The following GLIS3 variants were observed in gnomAD, a reference collection of about 807,000 sequenced individuals.
The protein encoded by GLIS3 is GLIS family zinc finger 3, also known as zinc finger protein GLIS3.
Under a neutral mutation model 78.6 loss-of-function variants are expected in GLIS3, and 53 were observed. The observed-to-expected ratio is 0.67, with a 90% CI of 0.54 to 0.85. The LOEUF (loss-of-function observed/expected upper bound fraction) is 0.85, where lower values mean the gene tolerates loss of function less well. Ranked by LOEUF, GLIS3 falls within the 40% of genes least tolerant of loss-of-function variation. The pLI, the probability that GLIS3 is intolerant of heterozygous loss-of-function variation, is 0.00. For synonymous variants in GLIS3, 684 were observed against 509.9 expected, an observed-to-expected ratio of 1.34 and a Z score of -4.60; for missense variants, 1,703 against 1,231.1, an observed-to-expected ratio of 1.38 and a Z score of -5.74.
At chr9:4,306,042 T>C (rs1038786684) in intron 4 of GLIS3, 18 of 152,314 alleles carry the variant, frequency 1.2e-4, no homozygotes, top group African/African-American at 3.6e-4. Flanking sequence ...ATAAATATTA[T>C]ACTTTGCTTT....
chr9:4,480,280 C>T, the GLIS3 span, among the ~76,000 whole-genome samples: 1 of 147,500 alleles, frequency 6.8e-6, no homozygotes. Flanking sequence ...TCACAGCTCA[C>T]TGCAGTCTAG....
chr9:4,231,419 C>A (rs191195397), intron 2 of GLIS3, among the ~76,000 whole-genome samples: 21 of 151,910 alleles, frequency 1.4e-4, no homozygotes, highest in African/African-American at 5.1e-4. Context: ...TTGGCCAGCT[C>A]CAATATATAT....
chr9:4,278,282 C>A (rs1200217117), intron 2 of GLIS3, among the ~76,000 whole-genome samples: 2 of 152,206 alleles, frequency 1.3e-5, no homozygotes, highest in Non-Finnish European at 2.9e-5. Context: ...AACAAGAACA[C>A]CCTTTCAGCC....
At position 3,965,188 on chromosome 9, in the gene GLIS3, C is replaced by CTTTTTT. The variant is rs750454441; in HGVS notation, c.1711-28000_1711-27999insAAAAAA. ...TACTTCTTTTCTATTTCTTTCTTTTCTTTTCTTTTTTTTTTTTTTTTTTTG... is the reference window on the plus strand; with the variant it reads ...TACTTCTTTTCTATTTCTTTCTTTTCTTTTTTTTTTCTTTTTTTTTTTTTTTTTTTG... On this transcript the variant is annotated intron_variant, in intron 4 of 10. Transcript: ENST00000381971. 6.6e-3 allele frequency among the ~76,000 whole-genome samples: 656 copies of CTTTTTT among 98,742 alleles called. 64 individuals are homozygous for CTTTTTT. Among genetic ancestry groups the CTTTTTT allele is most frequent in the East Asian group, 0.053 (172 of 3,230 alleles). The allele number at this position is 98,742 out of a possible 152,430, so 64.8% of individuals were successfully genotyped here. A position where few individuals can be genotyped will look rare whatever the true frequency, so the allele number is the denominator to read the frequency against.
intron 1 of GLIS3, among the ~76,000 whole-genome samples, chr9:4,290,410 T>C (rs1001443666): frequency 9.2e-5 from 14 of 152,164 alleles, no homozygotes; most frequent in African/African-American, 2.7e-4. Context: ...TTTTTCCCTT[T>C]GGGTTCATGA....
chr9:4,220,739 A>C (rs1045709211), intron 2 of GLIS3, among the ~76,000 whole-genome samples: 6 of 152,068 alleles, frequency 3.9e-5, no homozygotes, highest in Admixed American at 1.3e-4. Flanking sequence ...CAAAGAAAAA[A>C]AAAAAGCTAT....
the GLIS3 span, among the ~76,000 whole-genome samples, chr9:4,457,295 T>C: frequency 1.3e-5 from 2 of 151,356 alleles, no homozygotes; most frequent in African/African-American, 4.9e-5. Context: ...CAGCAAGTCA[T>C]GGCTTCAATA....
At chr9:4,238,350 G>T (rs547926686) in intron 2 of GLIS3, among the ~76,000 whole-genome samples, 1 of 152,306 alleles carries the variant, frequency 6.6e-6, no homozygotes, top group African/African-American at 2.4e-5. Flanking sequence ...TGGTGGAGAG[G>T]AAGAATATGA....
chr9:3,980,732 A>C (rs1819196553), intron 4 of GLIS3, among the ~76,000 whole-genome samples: 1 of 152,184 alleles, frequency 6.6e-6, no homozygotes, highest in Non-Finnish European at 1.5e-5. Context: ...GTTTTTTAAG[A>C]ATGTGCCTAG....
intron 4 of GLIS3, among the ~76,000 whole-genome samples, chr9:3,968,904 A>C (rs1052730252): frequency 5.9e-5 from 9 of 152,250 alleles, no homozygotes; most frequent in Non-Finnish European, 8.8e-5. Context: ...GTAAAGATCT[A>C]ACTATAAGTG....
At chr9:4,037,634 T>A (rs892548986) in intron 4 of GLIS3, among the ~76,000 whole-genome samples, 136 of 151,932 alleles carry the variant, frequency 9.0e-4, no homozygotes, top group African/African-American at 3.1e-3. Context: ...ATTATTTTAA[T>A]CTATGATCTA....
At chr9:4,188,564 A>G (rs1818023881) in intron 2 of GLIS3, among the ~76,000 whole-genome samples, 1 of 152,092 alleles carries the variant, frequency 6.6e-6, no homozygotes, top group African/African-American at 2.4e-5. Context: ...TAGTTTCAGA[A>G]GTAATGGTAC....
chr9:4,114,463 C>T (rs1831474043), intron 4 of GLIS3, among the ~76,000 whole-genome samples: 1 of 152,122 alleles, frequency 6.6e-6, no homozygotes, highest in Admixed American at 6.6e-5. Context: ...GACCTGTGAC[C>T]TTACCATCTC....
chr9:4,047,295 C>T (rs930241039), intron 4 of GLIS3, among the ~76,000 whole-genome samples: 1 of 152,124 alleles, frequency 6.6e-6, no homozygotes, highest in Non-Finnish European at 1.5e-5. Context: ...TCATGCAGAA[C>T]GTGAGTCAAT....
At chr9:4,031,530 G>T (rs1823831673) in intron 4 of GLIS3, among the ~76,000 whole-genome samples, 1 of 152,170 alleles carries the variant, frequency 6.6e-6, no homozygotes. Flanking sequence ...TTTATCTTAG[G>T]GCGATGATAA....
intron 4 of GLIS3, among the ~76,000 whole-genome samples, chr9:3,990,459 T>C (rs682613): frequency 0.31 from 46,757 of 152,060 alleles, 7,212 homozygotes; most frequent in African/African-American, 0.32. Flanking sequence ...ACCAGTAGCA[T>C]TGATCAGTGA....
At chr9:4,432,789 C>T in the GLIS3 span, among the ~76,000 whole-genome samples, 7 of 151,724 alleles carry the variant, frequency 4.6e-5, no homozygotes, top group East Asian at 1.9e-4. Context: ...TATAGGCGCC[C>T]GCCACCACGC....
chr9:4,233,730 T>C (rs1051318516), intron 2 of GLIS3, among the ~76,000 whole-genome samples: 11 of 152,212 alleles, frequency 7.2e-5, no homozygotes, highest in Non-Finnish European at 1.6e-4. Flanking sequence ...CTTTGAAGCT[T>C]TGAAGCCAGG....
At chr9:4,208,574 T>G (rs963014735) in intron 2 of GLIS3, among the ~76,000 whole-genome samples, 2 of 152,214 alleles carry the variant, frequency 1.3e-5, no homozygotes, top group African/African-American at 4.8e-5. Context: ...AAGGCCCGTT[T>G]GGGAGAGGGG....
Sources: gnomAD v4.1 joint callset for allele counts (sites outside exome capture counted in the v4.1 genomes callset) on GRCh38, gnomAD v4.1.1 for gene constraint, MANE v1.5 for transcripts, NCBI Gene and HGNC (gene_info 2026-07-23, HGNC 2026-07-21) for gene names.